The following RMND5B variants were observed in gnomAD, a reference collection of about 807,000 sequenced individuals.
RMND5B encodes the protein E3 ubiquitin-protein transferase RMND5B.
In RMND5B, 42 loss-of-function variants were observed where a neutral mutation model predicts 50.4. The observed-to-expected ratio is 0.83, with a 90% confidence interval of 0.65 to 1.08. RMND5B has a LOEUF of 1.08. Ranked by LOEUF, RMND5B falls within the 50% of genes least tolerant of loss-of-function variation. The pLI, the probability that RMND5B is intolerant of heterozygous loss-of-function variation, is 0.00. For synonymous variants in RMND5B, 220 were observed against 210.0 expected (o/e 1.05, Z -0.41); for missense variants, 463 against 508.5 (o/e 0.91, Z 0.86).
chr5:178,134,673 T>C (rs1292096283), intron 2 of RMND5B, among the ~76,000 whole-genome samples: 2 of 152,180 alleles, frequency 1.3e-5, no homozygotes, highest in Admixed American at 6.5e-5. Context: ...TTTATTTTAC[T>C]TTTAAAAATT....
rs774372243 is a variant in RMND5B, at chr5:178,144,043, C to T, written c.629C>T (p.Ala210Val). Residue 210 changes from alanine (A) to valine (V), a missense_variant, in exon 7 of 11, where the codon GCG (alanine) becomes GTG (valine). Transcript: ENST00000313386. ...ATCCGCCTCTTGGCAGGAGGCCCCG[C>T]GAAGCAGCTGGAGGCCCTCAGCTAT... ...HFIRLLAGGP[A>V]KQLEALSYAR... is the part of the protein sequence containing the mutation. 18 of 1,614,118 alleles carry T rather than the reference C, an allele frequency of 1.1e-5. No individual in the cohort carries two copies. The East Asian group carries it at 1.8e-4, about 16-fold the overall frequency.
chr5:178,138,100 C>T lies in RMND5B; in HGVS notation c.-12-8C>T, dbSNP rs201754117. 5.7e-5 allele frequency: 90 copies of T among 1,571,600 alleles called. No individual in the cohort carries two copies. The highest frequency in any genetic ancestry group is 3.6e-4 in the Middle Eastern group (2 of 5,552). ...CAGATGGGGCCTGACCCAGCTGACC[C>T]TCCCCAGGCTGAGGCCACCATGGAG... On this transcript the variant is annotated splice_polypyrimidine_tract_variant and splice_region_variant and intron_variant, in intron 2 of 10. Transcript: ENST00000313386. This position sits in a 1 kb window ranked among gnomAD's most constrained non-coding sequence, Gnocchi z 5.1.
chr5:178,144,174 A>G, intron 7 of RMND5B, 66 bp downstream of exon 7: 1 of 1,547,030 alleles, frequency 6.5e-7, no homozygotes, highest in Non-Finnish European at 8.8e-7. Flanking sequence ...GGTAGGTTAC[A>G]TCAGGCTGCC....
At position 178,143,638 on chromosome 5, in the gene RMND5B, G is replaced by C. The variant is rs1165261314; in HGVS notation, c.438G>C (p.Leu146=). The C allele has an allele frequency of 3.7e-6, 6 of 1,613,500 alleles. No individual in the cohort carries two copies. The African/African-American group carries it at 4.0e-5, about 11-fold the overall frequency. The change falls in exon 6 of 11, where the codon CTG becomes CTC. Residue 146 remains leucine (L), a synonymous_variant. Transcript: ENST00000313386. ...VAEELCQEST[L]NVDLDFKQPF... is the part of the protein sequence containing the mutation. ...CTCTCTCCTTGTAGGAATCAACGCT[G>C]AATGTGGACTTGGATTTCAAGCAGC... is the stretch of plus-strand genomic sequence containing the variant.
rs1002976901 is a variant in RMND5B, at chr5:178,139,278, C to G, written c.139+1020C>G. On this transcript the variant is annotated intron_variant, in intron 3 of 10. Transcript: ENST00000313386. ...GGAGTGCAGTGGCGTGATCTTGGCT[C>G]AACTGCAACCTCCACCTCCCGGGTT... Among the ~76,000 whole-genome samples the G allele has an allele frequency of 4.0e-5, 6 of 149,902 alleles. No individual in the cohort carries two copies. The South Asian group carries it at 6.3e-4, about 16-fold the overall frequency.
In RMND5B at chr5:178,142,947, C is replaced by T. The variant is rs2113421694; in HGVS notation, c.381C>T (p.His127=). Residue 127 remains histidine (H), a synonymous_variant, in exon 5 of 11, where the codon CAC becomes CAT. Coordinates refer to ENST00000313386, the MANE Select transcript of RMND5B (RefSeq NM_022762.5). ...TCCTGCAGATGGCCATCGTGGAACA[C>T]CTGTATCAGCAGGGCATGCTCAGCG... The part of the protein sequence containing the change: ...QQILQMAIVE[H]LYQQGMLSVA... 1 of 1,614,200 alleles carries T rather than the reference C, an allele frequency of 6.2e-7. No individual in the cohort carries two copies. Among genetic ancestry groups the T allele is most frequent in the Non-Finnish European group, 8.5e-7 (1 of 1,180,034 alleles).
At chr5:178,147,213 T>C in intron 8 of RMND5B, 1 of 359,892 alleles carries the variant, frequency 2.8e-6, no homozygotes, top group East Asian at 5.7e-5. Flanking sequence ...CTGGGGCCCT[T>C]TGGAACTGCT....
Position 178,149,711 on chromosome 5 carries a change from C to T in RMND5B, c.*1679C>T. 1 of 1,613,620 alleles carries T rather than the reference C, an allele frequency of 6.2e-7. No homozygotes were observed. On this transcript the variant is annotated 3_prime_UTR_variant, in exon 11 of 11. Transcript: ENST00000313386. ...CAGGTGCCCAGGTGCTACCGGAGCC[C>T]CTCATAGGGGTAGGGGCAGGGACTG...
chr5:178,149,376 A>G lies in RMND5B; in HGVS notation c.*1344A>G. ...TCTGAGTCCTTTGGGCTCTCTGCTG[A>G]GGAAGACTGCTTCACTCTTCCCGCC... On this transcript the variant is annotated 3_prime_UTR_variant, in exon 11 of 11. Coordinates refer to ENST00000313386, the MANE Select transcript of RMND5B (RefSeq NM_022762.5). 1 of 334,164 alleles carries G rather than the reference A, an allele frequency of 3.0e-6. No homozygotes were observed. Among genetic ancestry groups the G allele is most frequent in the East Asian group, 8.1e-5 (1 of 12,284 alleles). The allele number at this position is 334,164 out of a possible 1,614,324, so 20.7% of individuals were successfully genotyped here.
chr5:178,139,137 A>G (rs1307986324), intron 3 of RMND5B, among the ~76,000 whole-genome samples: 1 of 152,212 alleles, frequency 6.6e-6, no homozygotes, highest in Non-Finnish European at 1.5e-5. Flanking sequence ...CTCGTCTCAA[A>G]AAACAAAATA....
In RMND5B at chr5:178,147,633, C is replaced by A. The variant is rs1350063902; in HGVS notation, c.961C>A (p.Pro321Thr). ...GGTCTGGAATCACAAGGACGAGTTACCGGTGAGGCCTGGTCTGGGGAATCG... is the reference window on the plus strand; with the variant it reads ...GGTCTGGAATCACAAGGACGAGTTAACGGTGAGGCCTGGTCTGGGGAATCG... ...TGVWNHKDEL[P>T]IEIELGMKCW... Residue 321 changes from proline (P) to threonine (T), a missense_variant and splice_region_variant, in exon 9 of 11, where the codon CCG becomes ACG. By Grantham distance (38) the Pro-to-Thr change is conservative. Transcript: ENST00000313386. The A allele has an allele frequency of 1.9e-6, 3 of 1,614,098 alleles. No homozygotes were observed. Among genetic ancestry groups the A allele is most frequent in the East Asian group, 4.5e-5 (2 of 44,882 alleles).
In RMND5B at chr5:178,137,182, A is replaced by G. The variant is rs1379959701; in HGVS notation, c.-12-926A>G. 6.6e-6 allele frequency among the ~76,000 whole-genome samples: 1 copy of G among 152,162 alleles called. No homozygotes were observed. Among genetic ancestry groups the G allele is most frequent in the Non-Finnish European group, 1.5e-5 (1 of 68,026 alleles). On this transcript the variant is annotated intron_variant, in intron 2 of 10. Coordinates refer to ENST00000313386, the MANE Select transcript of RMND5B (RefSeq NM_022762.5). The surrounding 1 kb of genome is among the most constrained non-coding windows in gnomAD (Gnocchi z 4.4). The stretch of plus-strand genomic sequence containing the variant: ...GTACCAGGGCACGCAGCTATGAGAC[A>G]GCAAGGGTTCTGTGCCTGTCCTCGG...
rs1386457840 is a variant in RMND5B at position 178,143,636 on chromosome 5, C to T, written c.436C>T (p.Leu146=). The change falls in exon 6 of 11, where the codon CTG becomes TTG. Residue 146 remains leucine (L), a synonymous_variant. Coordinates refer to ENST00000313386, the MANE Select transcript of RMND5B (RefSeq NM_022762.5). ...CTCTCTCTCCTTGTAGGAATCAACG[C>T]TGAATGTGGACTTGGATTTCAAGCA... ...VAEELCQEST[L]NVDLDFKQPF... 3 of 1,613,340 alleles carry T rather than the reference C, an allele frequency of 1.9e-6. No homozygotes were observed. Among genetic ancestry groups the T allele is most frequent in the Non-Finnish European group, 2.5e-6 (3 of 1,179,392 alleles).
rs1329190855 is a variant in RMND5B, at chr5:178,137,169, G to A, written c.-12-939G>A. ...GAGGAAGCAGCATGTACCAGGGCAC[G>A]CAGCTATGAGACAGCAAGGGTTCTG... On this transcript the variant is annotated intron_variant, in intron 2 of 10. Transcript: ENST00000313386. This position sits in a 1 kb window ranked among gnomAD's most constrained non-coding sequence, Gnocchi z 4.4. Among the ~76,000 whole-genome samples the A allele has an allele frequency of 1.3e-5, 2 of 152,114 alleles. No individual in the cohort carries two copies. The highest frequency in any genetic ancestry group is 2.4e-5 in the African/African-American group (1 of 41,408).
chr5:178,136,637 A>G (rs1224398221), intron 2 of RMND5B, among the ~76,000 whole-genome samples: 1 of 151,976 alleles, frequency 6.6e-6, no homozygotes, highest in Non-Finnish European at 1.5e-5. Flanking sequence ...GAATGAGGGA[A>G]TGAGTGAAGA....
At position 178,148,136 on chromosome 5, in the gene RMND5B, G is replaced by A. The variant is rs552175458; in HGVS notation, c.*104G>A. 3.9e-5 allele frequency: 45 copies of A among 1,156,664 alleles called. No individual in the cohort carries two copies. The highest frequency in any genetic ancestry group is 3.8e-4 in the East Asian group (16 of 41,902). The allele number at this position is 1,156,664 out of a possible 1,614,324, so 71.7% of individuals were successfully genotyped here. A position where few individuals can be genotyped will look rare whatever the true frequency, so the allele number is the denominator to read the frequency against. On this transcript the variant is annotated 3_prime_UTR_variant, in exon 11 of 11. Coordinates refer to ENST00000313386, the MANE Select transcript of RMND5B (RefSeq NM_022762.5). ...AGTGGACTGTGGTTGGTTTCAGAGC[G>A]CCTGGCTGAGGAGTTCCACTGAGGG...
chr5:178,149,637 G>A lies in RMND5B; in HGVS notation c.*1605G>A. Reference sequence around the variant, plus strand: ...GGGAAGATGCCGTCAGTGTGGGTGGGCAGGAGGACAGCCAGTCGTCCTGCT... The same window carrying A: ...GGGAAGATGCCGTCAGTGTGGGTGGACAGGAGGACAGCCAGTCGTCCTGCT... On this transcript the variant is annotated 3_prime_UTR_variant, in exon 11 of 11. Coordinates refer to ENST00000313386, the MANE Select transcript of RMND5B (RefSeq NM_022762.5). 7 of 1,596,970 alleles carry A rather than the reference G, an allele frequency of 4.4e-6. No individual in the cohort carries two copies. The highest frequency in any genetic ancestry group is 5.1e-6 in the Non-Finnish European group (6 of 1,169,408).
In RMND5B at chr5:178,139,062, A is replaced by G. The variant is rs1298912869; in HGVS notation, c.139+804A>G. Among the ~76,000 whole-genome samples, 6 of 152,252 alleles carry G rather than the reference A, an allele frequency of 3.9e-5. No individual in the cohort carries two copies. In the East Asian group the frequency reaches 9.7e-4, roughly 25 times the overall value. ...CTAAAAATACAAAAATTAGCTGGGC[A>G]TGGTGGTGGGCTGCAGTGAGCCGAG... On this transcript the variant is annotated intron_variant, in intron 3 of 10. Transcript: ENST00000313386.
rs1755821144 is a variant in RMND5B, at chr5:178,143,811, A to G, written c.527+84A>G. ...CTTGACTGTGGTCTTCATTTCACCC[A>G]GATGTACTTGACTTGCCTGCAGCCC... On this transcript the variant is annotated intron_variant, in intron 6 of 10. Transcript: ENST00000313386. 6 of 1,459,182 alleles carry G rather than the reference A, an allele frequency of 4.1e-6. No homozygotes were observed. In the African/African-American group the frequency reaches 8.4e-5, roughly 20 times the overall value. 90.4% of individuals were successfully genotyped at this position (1,459,182 alleles called of 1,614,324 possible). A position where few individuals can be genotyped will look rare whatever the true frequency, so the allele number is the denominator to read the frequency against.
Sources: gnomAD v4.1 joint callset for allele counts (sites outside exome capture counted in the v4.1 genomes callset) on GRCh38, gnomAD v4.1.1 for gene constraint, Gnocchi (gnomAD v3.1) non-coding constraint, MANE v1.5 for transcripts, NCBI Gene and HGNC (gene_info 2026-07-23, HGNC 2026-07-21) for gene names.